TSHZ2: variants seen among roughly 807,000 people sequenced by gnomAD.
TSHZ2 encodes the protein teashirt homolog 2.
A neutral mutation model predicts 74.4 loss-of-function variants in TSHZ2; 21 were observed. That is an observed-to-expected ratio of 0.28 (90% CI 0.20 to 0.41). The LOEUF (loss-of-function observed/expected upper bound fraction) is 0.41. TSHZ2 is among the 10% of genes least tolerant of loss of function. The pLI is 1.00. For synonymous variants in TSHZ2, 540 were observed against 515.3 expected (o/e 1.05, Z -0.65); for missense variants, 1,244 against 1,293.5 (o/e 0.96, Z 0.59).
At chr20:53,101,977 T>C (rs1986231482) in intron 1 of TSHZ2, among the ~76,000 whole-genome samples, 1 of 148,676 alleles carries the variant, frequency 6.7e-6, no homozygotes, top group Non-Finnish European at 1.5e-5. Flanking sequence ...GGAATATCCC[T>C]ATGAGGACTT....
chr20:53,480,289 T>G (rs6022517), intron 2 of TSHZ2, among the ~76,000 whole-genome samples: 43,858 of 151,548 alleles, frequency 0.29, 6,721 homozygotes, highest in East Asian at 0.47. Context: ...GGCTGGTCTT[T>G]AACTCCTGAC....
intron 1 of TSHZ2, among the ~76,000 whole-genome samples, chr20:53,184,696 G>A (rs1026540716): frequency 6.6e-6 from 1 of 151,882 alleles, no homozygotes; most frequent in African/African-American, 2.4e-5. Context: ...AATTTTTATT[G>A]TTTTTAATTT....
intron 2 of TSHZ2, among the ~76,000 whole-genome samples, chr20:53,465,348 G>A (rs188101663): frequency 6.6e-6 from 1 of 152,240 alleles, no homozygotes; most frequent in East Asian, 1.9e-4. Flanking sequence ...TTGGCTCACA[G>A]CAACCTCTGC....
intron 1 of TSHZ2, among the ~76,000 whole-genome samples, chr20:53,113,002 C>T (rs1045017480): frequency 2.2e-4 from 34 of 152,092 alleles, no homozygotes; most frequent in African/African-American, 8.0e-4. Context: ...CTTGGCAGGA[C>T]CCATAATTTT....
intron 2 of TSHZ2, among the ~76,000 whole-genome samples, chr20:53,354,248 G>A (rs565749626): frequency 1.7e-4 from 26 of 152,276 alleles, no homozygotes; most frequent in African/African-American, 5.3e-4. Context: ...TGACAATTTC[G>A]GGAAACATGA....
chr20:53,280,415 A>G (rs2145434418), intron 2 of TSHZ2, among the ~76,000 whole-genome samples: 1 of 152,324 alleles, frequency 6.6e-6, no homozygotes, highest in Middle Eastern at 3.4e-3. Context: ...AAAATAAGCG[A>G]ATTAATACCA....
chr20:53,096,122 CTG>C (rs1986036384), intron 1 of TSHZ2, among the ~76,000 whole-genome samples: 1 of 152,094 alleles, frequency 6.6e-6, no homozygotes, highest in African/African-American at 2.4e-5. Context: ...ACTAACACCT[CTG>C]TGTTTTTTGT....
In TSHZ2 at chr20:53,404,743, G is replaced by A. The variant is rs560931185; in HGVS notation, c.*9-82401G>A. Among the ~76,000 whole-genome samples the A allele has an allele frequency of 5.9e-5, 9 of 152,208 alleles. No homozygotes were observed. In the South Asian group the frequency reaches 8.3e-4, roughly 14 times the overall value. On this transcript the variant is annotated intron_variant, in intron 2 of 2. Transcript: ENST00000371497. Reference sequence around the variant, plus strand: ...AAAGGATCAGATAAGGTTTATTAACGAAATATCCTATAATCATCCAAGTCC... The same window carrying A: ...AAAGGATCAGATAAGGTTTATTAACAAAATATCCTATAATCATCCAAGTCC...
At chr20:53,455,283 C>G (rs1985013228) in intron 2 of TSHZ2, 1 of 152,246 alleles carries the variant, frequency 6.6e-6, no homozygotes. Context: ...TGATGGCTTG[C>G]TTGCTTATTG....
chr20:53,168,287 T>TGACA (rs1486207297), intron 1 of TSHZ2, among the ~76,000 whole-genome samples: 2 of 152,170 alleles, frequency 1.3e-5, no homozygotes, highest in African/African-American at 4.8e-5. Context: ...CCCCAGGCTG[T>TGACA]GACAGACAAA....
chr20:53,185,629 A>G (rs1600729764), intron 1 of TSHZ2: 8 of 1,535,942 alleles, frequency 5.2e-6, no homozygotes, highest in Middle Eastern at 3.3e-4. Flanking sequence ...CAAAAAAAGA[A>G]AAAAAAGAAA....
chr20:53,343,389 A>C (rs1980300203), intron 2 of TSHZ2, among the ~76,000 whole-genome samples: 1 of 152,202 alleles, frequency 6.6e-6, no homozygotes, highest in African/African-American at 2.4e-5. Flanking sequence ...CTGTGTGGGC[A>C]CACAAGGCAG....
intron 2 of TSHZ2, chr20:53,400,029 G>T (rs156606): frequency 0.093 from 14,236 of 152,772 alleles, 777 homozygotes; most frequent in Non-Finnish European, 0.1. Context: ...ACTCACTGTG[G>T]AGTGCTGAGC....
At position 53,280,495 on chromosome 20, in the gene TSHZ2, G is replaced by A. The variant is rs921429981; in HGVS notation, c.*8+23924G>A. ...ATGTTTCCATCGCATTAGGAGTAAG[G>A]ATCCAAAATGAGAGGGGGATCGGTG... is the stretch of plus-strand genomic sequence containing the variant. On this transcript the variant is annotated intron_variant, in intron 2 of 2. Transcript: ENST00000371497. 1.1e-4 allele frequency among the ~76,000 whole-genome samples: 16 copies of A among 152,268 alleles called. 1 individual carries two copies. The highest frequency in any genetic ancestry group is 5.8e-4 in the East Asian group (3 of 5,186).
At chr20:53,034,678 G>A (rs1983756292) in intron 1 of TSHZ2, among the ~76,000 whole-genome samples, 1 of 152,202 alleles carries the variant, frequency 6.6e-6, no homozygotes, top group Admixed American at 6.5e-5. Flanking sequence ...AGCATGCCAG[G>A]ATTTGAGGGC....
chr20:53,405,858 G>A (rs552389285), intron 2 of TSHZ2, among the ~76,000 whole-genome samples: 20 of 152,120 alleles, frequency 1.3e-4, no homozygotes, highest in Admixed American at 2.6e-4. Flanking sequence ...TTAGCCAGGC[G>A]TCATGGTGTG....
At chr20:53,054,083 G>A (rs577425407) in intron 1 of TSHZ2, among the ~76,000 whole-genome samples, 5 of 152,296 alleles carry the variant, frequency 3.3e-5, no homozygotes, top group African/African-American at 9.6e-5. Context: ...AGTCAGATCC[G>A]GAGCGAATCG....
At chr20:53,142,503 G>A (rs1987427442) in intron 1 of TSHZ2, among the ~76,000 whole-genome samples, 1 of 152,244 alleles carries the variant, frequency 6.6e-6, no homozygotes, top group South Asian at 2.1e-4. Context: ...CACGTGATGA[G>A]TTCCAATACA....
intron 1 of TSHZ2, among the ~76,000 whole-genome samples, chr20:53,018,641 T>C (rs1600648708): frequency 6.6e-6 from 1 of 152,328 alleles, no homozygotes; most frequent in South Asian, 2.1e-4. Flanking sequence ...TCAGATTACC[T>C]AAAAGCAATG....
Sources: allele counts gnomAD v4.1 joint callset (sites outside exome capture counted in the v4.1 genomes callset), GRCh38; gene constraint gnomAD v4.1.1; transcripts MANE v1.5; gene names NCBI Gene and HGNC (gene_info 2026-07-23, HGNC 2026-07-21).